RPTOR: variants seen among roughly 807,000 people sequenced by gnomAD.
RPTOR encodes the protein regulatory associated protein of MTOR complex 1, also known as regulatory-associated protein of mTOR.
In RPTOR, 21 loss-of-function variants were observed where a neutral mutation model predicts 169.9. The observed-to-expected ratio is 0.12, with a 90% CI of 0.09 to 0.18. RPTOR has a LOEUF of 0.18. Ranked by LOEUF, RPTOR falls within the 10% of genes least tolerant of loss-of-function variation. The pLI is 1.00. For synonymous variants in RPTOR, 732 were observed against 753.2 expected, an observed-to-expected ratio of 0.97 and a Z score of 0.46; for missense variants, 1,133 against 1,855.9, an observed-to-expected ratio of 0.61 and a Z score of 7.16.
At chr17:80,840,549 T>A (rs1178428415) in intron 10 of RPTOR, among the ~76,000 whole-genome samples, 29 of 105,970 alleles carry the variant, frequency 2.7e-4, no homozygotes, top group Middle Eastern at 9.3e-3. Flanking sequence ...GGCAGCTCAC[T>A]CTCACCGCAC....
chr17:80,753,548 G>A (rs2066650059), intron 5 of RPTOR, among the ~76,000 whole-genome samples: 1 of 150,572 alleles, frequency 6.6e-6, no homozygotes, highest in Non-Finnish European at 1.5e-5. Flanking sequence ...CAGGAGAATG[G>A]CGTGAACCCG....
intron 21 of RPTOR, among the ~76,000 whole-genome samples, chr17:80,919,289 C>T (rs906050001): frequency 6.6e-6 from 1 of 152,204 alleles, no homozygotes; most frequent in South Asian, 2.1e-4. Context: ...TCTTCTCCCC[C>T]ACCAAGCAGC....
rs1261512188 is a variant in RPTOR at position 80,721,426 on chromosome 17, G to A, written c.508-9134G>A. ...CTCACTTCCTCGGCAGGGCCTGCACGCACCTGGTGCAGGAGCAGCAGAAGC... is the reference window on the plus strand; with the variant it reads ...CTCACTTCCTCGGCAGGGCCTGCACACACCTGGTGCAGGAGCAGCAGAAGC... On this transcript the variant is annotated intron_variant, in intron 4 of 33. Coordinates refer to ENST00000306801, the MANE Select transcript of RPTOR (RefSeq NM_020761.3). This position sits in a 1 kb window ranked among gnomAD's most constrained non-coding sequence, Gnocchi z 4.7. Among the ~76,000 whole-genome samples, 12 of 151,428 alleles carry A rather than the reference G, an allele frequency of 7.9e-5. 1 individual carries two copies. The highest frequency in any genetic ancestry group is 6.6e-5 in the Admixed American group (1 of 15,264).
intron 11 of RPTOR, among the ~76,000 whole-genome samples, chr17:80,853,803 C>T (rs1375345487): frequency 1.1e-4 from 16 of 152,084 alleles, no homozygotes; most frequent in Non-Finnish European, 2.2e-4. Flanking sequence ...GCAGTGAAAC[C>T]CCGTCTCTAC....
At chr17:80,561,654 A>G (rs1169873942) in intron 1 of RPTOR, among the ~76,000 whole-genome samples, 12 of 151,590 alleles carry the variant, frequency 7.9e-5, no homozygotes, top group Non-Finnish European at 8.8e-5. Flanking sequence ...GCTGGTCTTG[A>G]ACTCCTGGGC....
chr17:80,630,597 T>G (rs2065434637), intron 2 of RPTOR, among the ~76,000 whole-genome samples: 1 of 152,226 alleles, frequency 6.6e-6, no homozygotes, highest in Non-Finnish European at 1.5e-5. Flanking sequence ...AAAGAAAATC[T>G]CCTTTACTTT....
intron 21 of RPTOR, among the ~76,000 whole-genome samples, chr17:80,920,969 A>G (rs2068737811): frequency 1.3e-5 from 2 of 152,230 alleles, no homozygotes; most frequent in South Asian, 4.1e-4. Flanking sequence ...CAGAAAGAAC[A>G]TGTATTACTC....
chr17:80,826,633 C>A (rs937260975), intron 9 of RPTOR, among the ~76,000 whole-genome samples: 7 of 152,276 alleles, frequency 4.6e-5, no homozygotes, highest in Non-Finnish European at 8.8e-5. Context: ...CTCCTGGTCC[C>A]TGGCACCCTT....
chr17:80,766,253 A>G (rs892486262), intron 6 of RPTOR, among the ~76,000 whole-genome samples: 2 of 152,132 alleles, frequency 1.3e-5, no homozygotes, highest in Non-Finnish European at 2.9e-5. Context: ...CTGTGTCACC[A>G]TGTTGCCCAG....
At chr17:80,808,086 G>C (rs1040322382) in intron 7 of RPTOR, among the ~76,000 whole-genome samples, 1 of 151,906 alleles carries the variant, frequency 6.6e-6, no homozygotes, top group Non-Finnish European at 1.5e-5. Flanking sequence ...CTTGAGGCCA[G>C]GAGTTCAAGA....
chr17:80,898,848 G>A (rs2068440662), intron 20 of RPTOR, among the ~76,000 whole-genome samples: 1 of 151,866 alleles, frequency 6.6e-6, no homozygotes, highest in South Asian at 2.1e-4. Flanking sequence ...TGGTTCCTGG[G>A]GATGGCGGTC....
intron 3 of RPTOR, among the ~76,000 whole-genome samples, chr17:80,649,014 CT>C (rs1179627343): frequency 1.3e-5 from 2 of 152,232 alleles, no homozygotes; most frequent in African/African-American, 2.4e-5. Flanking sequence ...TATTAAACCT[CT>C]TTCTTTTGTA....
chr17:80,889,182 C>T (rs972557053), intron 17 of RPTOR, among the ~76,000 whole-genome samples: 2 of 152,142 alleles, frequency 1.3e-5, no homozygotes, highest in African/African-American at 2.4e-5. Context: ...GGAGAGGGTA[C>T]GAGAAAAGAA....
intron 9 of RPTOR, among the ~76,000 whole-genome samples, chr17:80,827,104 C>T (rs986182256): frequency 7.2e-5 from 11 of 152,176 alleles, no homozygotes; most frequent in African/African-American, 2.4e-4. Context: ...CAGGGGGCAG[C>T]TGTGCCAAAT....
rs78369828 is a variant in RPTOR at position 80,709,382 on chromosome 17, C to T, written c.507+1383C>T. Among the ~76,000 whole-genome samples the T allele has an allele frequency of 5.4e-3, 827 of 152,342 alleles. 6 individuals carry two copies. Among genetic ancestry groups the T allele is most frequent in the African/African-American group, 0.019 (785 of 41,574 alleles). ...CACAGTGAATTTGAATTTGTCCTTCCCTGGCTCTCCTCTGTGGAGCCCCCG... is the reference window on the plus strand; with the variant it reads ...CACAGTGAATTTGAATTTGTCCTTCTCTGGCTCTCCTCTGTGGAGCCCCCG... On this transcript the variant is annotated intron_variant, in intron 4 of 33. Coordinates refer to ENST00000306801, the MANE Select transcript of RPTOR (RefSeq NM_020761.3).
intron 13 of RPTOR, among the ~76,000 whole-genome samples, chr17:80,868,263 T>C (rs544222060): frequency 8.6e-5 from 13 of 151,966 alleles, no homozygotes; most frequent in Middle Eastern, 3.4e-3. Flanking sequence ...ACAAAGAAAA[T>C]TGGGCAAAAG....
At chr17:80,877,453 G>A (rs1029082155) in intron 13 of RPTOR, among the ~76,000 whole-genome samples, 5 of 152,206 alleles carry the variant, frequency 3.3e-5, no homozygotes, top group Non-Finnish European at 5.9e-5. Flanking sequence ...CCACATAGTT[G>A]CCAGACTCCG....
intron 2 of RPTOR, among the ~76,000 whole-genome samples, chr17:80,631,069 C>T (rs945239544): frequency 2.0e-5 from 3 of 152,172 alleles, no homozygotes; most frequent in Non-Finnish European, 2.9e-5. Flanking sequence ...GTGTTCTGCT[C>T]CTATCCCAGG....
At chr17:80,847,422 G>T (rs897158311) in intron 11 of RPTOR, among the ~76,000 whole-genome samples, 5 of 152,260 alleles carry the variant, frequency 3.3e-5, no homozygotes, top group Admixed American at 3.3e-4. Flanking sequence ...TTGTGGGGAA[G>T]TGTGTGGGCT....
Sources: gnomAD v4.1 joint callset for allele counts (sites outside exome capture counted in the v4.1 genomes callset) on GRCh38, gnomAD v4.1.1 for gene constraint, Gnocchi (gnomAD v3.1) non-coding constraint, MANE v1.5 for transcripts, NCBI Gene and HGNC (gene_info 2026-07-23, HGNC 2026-07-21) for gene names.